The following AKAP13 variants were observed in gnomAD, a reference collection of about 807,000 sequenced individuals.
AKAP13 encodes the protein A-kinase anchor protein 13.
AKAP13 carries 80 observed loss-of-function variants against 264.5 expected under a neutral mutation model. The observed-to-expected ratio is 0.30, with a 90% CI of 0.25 to 0.36. The LOEUF (loss-of-function observed/expected upper bound fraction) is 0.36, where lower values mean the gene tolerates loss of function less well. Ranked by LOEUF, AKAP13 falls within the 10% of genes least tolerant of loss-of-function variation. The pLI, the probability that AKAP13 is intolerant of heterozygous loss-of-function variation, is 1.00. For synonymous variants in AKAP13, 1,380 were observed against 1,250.2 expected, an observed-to-expected ratio of 1.10 and a Z score of -2.19; for missense variants, 3,712 against 3,435.2, an observed-to-expected ratio of 1.08 and a Z score of -2.01.
chr15:85,554,771 T>C (rs781220063), intron 5 of AKAP13, among the ~76,000 whole-genome samples: 2 of 152,136 alleles, frequency 1.3e-5, no homozygotes, highest in African/African-American at 2.4e-5. Flanking sequence ...ACTTTACAGA[T>C]GAGGAAATTG....
At chr15:85,560,272 A>G (rs2078321601) in intron 5 of AKAP13, among the ~76,000 whole-genome samples, 1 of 151,570 alleles carries the variant, frequency 6.6e-6, no homozygotes, top group Non-Finnish European at 1.5e-5. Context: ...TCAGCCTCCC[A>G]TGTAGCTAGG....
intron 1 of AKAP13, among the ~76,000 whole-genome samples, chr15:85,471,249 A>C (rs982879179): frequency 2.0e-5 from 3 of 152,198 alleles, no homozygotes; most frequent in African/African-American, 7.2e-5. Flanking sequence ...TAATCCCAGC[A>C]CTTTGGGAGG....
chr15:85,498,702 C>T (rs1351070471), intron 2 of AKAP13, among the ~76,000 whole-genome samples: 1 of 152,104 alleles, frequency 6.6e-6, no homozygotes, highest in African/African-American at 2.4e-5. Flanking sequence ...AACTTGCTTA[C>T]TCTCAGTGGT....
At position 85,744,668 on chromosome 15, in the gene AKAP13, C is replaced by T. The variant is rs2089316605; in HGVS notation, c.8433C>T (p.Ile2811=). The T allele has an allele frequency of 1.9e-6, 3 of 1,609,050 alleles. No homozygotes were observed. The highest frequency in any genetic ancestry group is 2.5e-6 in the Non-Finnish European group (3 of 1,177,894). Residue 2811 remains isoleucine (I), a synonymous_variant, in exon 37 of 37, where the codon ATC becomes ATT. Coordinates refer to ENST00000394518, the MANE Select transcript of AKAP13 (RefSeq NM_007200.5). ...AAGTATCAGCAGAGGGTGAAGAGAT[C>T]TTCTGCTGACCCTCTTCCTCTCTGC... ...ASEVSAEGEE[I]FC
intron 1 of AKAP13, among the ~76,000 whole-genome samples, chr15:85,451,628 G>A (rs1010103634): frequency 3.3e-5 from 5 of 152,118 alleles, no homozygotes; most frequent in East Asian, 1.9e-4. Flanking sequence ...CTTTTGCTTC[G>A]GAAGTTTAGT....
intron 5 of AKAP13, among the ~76,000 whole-genome samples, chr15:85,544,897 G>A (rs867385773): frequency 1.3e-5 from 2 of 152,130 alleles, no homozygotes; most frequent in African/African-American, 2.4e-5. Flanking sequence ...TAATTTAGTT[G>A]TGCTTTATGT....
Position 85,533,665 on chromosome 15 carries a change from ACTT to A in AKAP13, c.264_266del (p.Phe89del). 6.2e-7 allele frequency: 1 copy of A among 1,614,190 alleles called. No individual in the cohort carries two copies. Among genetic ancestry groups the A allele is most frequent in the Non-Finnish European group, 8.5e-7 (1 of 1,180,016 alleles). Reference sequence around the variant, plus strand: ...CCCGTGTTTGTGGTGGCTGAAGAAGACTTTCATTTCGTCCAGGATGAAGCGTAT... The same window carrying A: ...CCCGTGTTTGTGGTGGCTGAAGAAGATCATTTCGTCCAGGATGAAGCGTAT... On this transcript the variant is annotated inframe_deletion, in exon 4 of 37. Coordinates refer to ENST00000394518, the MANE Select transcript of AKAP13 (RefSeq NM_007200.5).
At chr15:85,706,889 C>T (rs368554146) in intron 17 of AKAP13, among the ~76,000 whole-genome samples, 1 of 152,152 alleles carries the variant, frequency 6.6e-6, no homozygotes, top group Non-Finnish European at 1.5e-5. Context: ...ATGGAATAGG[C>T]CTTTGAGGTC....
In AKAP13 at chr15:85,727,580, A is replaced by G. The variant is rs1363105215; in HGVS notation, c.7087+117A>G. On this transcript the variant is annotated intron_variant, in intron 29 of 36. Transcript: ENST00000394518. The surrounding 1 kb of genome is among the most constrained non-coding windows in gnomAD (Gnocchi z 5.3). ...CAGTTCTAAAGCTGCCCCAGCAGGC[A>G]CTTGAAAGCAGCAAAATGAATAGCT... 1 of 1,092,290 alleles carries G rather than the reference A, an allele frequency of 9.2e-7. No homozygotes were observed. The highest frequency in any genetic ancestry group is 1.3e-6 in the Non-Finnish European group (1 of 750,180). 67.7% of individuals were successfully genotyped at this position (1,092,290 alleles called of 1,614,324 possible).
intron 11 of AKAP13, among the ~76,000 whole-genome samples, chr15:85,657,887 T>C (rs2083173698): frequency 6.6e-6 from 1 of 152,194 alleles, no homozygotes; most frequent in Non-Finnish European, 1.5e-5. Flanking sequence ...CTTTTCTTTA[T>C]AATCCACTAT....
chr15:85,560,286 A>G (rs1187362861), intron 5 of AKAP13, among the ~76,000 whole-genome samples: 1 of 152,056 alleles, frequency 6.6e-6, no homozygotes, highest in Non-Finnish European at 1.5e-5. Context: ...AGCTAGGACT[A>G]CAGGTGTGCA....
Position 85,392,251 on chromosome 15 carries a change from A to ATTTTT in AKAP13, c.-12+11470_-12+11474dup, listed in dbSNP as rs57208601. On this transcript the variant is annotated intron_variant, in intron 1 of 36. Coordinates refer to ENST00000394518, the MANE Select transcript of AKAP13 (RefSeq NM_007200.5). ...GTCTTAAAAATGTGAGCCCTTAATA[A>ATTTTT]TTTTTTTTTTTTTTTTTTTTTGAGA... is the stretch of plus-strand genomic sequence containing the variant. Among the ~76,000 whole-genome samples, 200 of 106,346 alleles carry ATTTTT rather than the reference A, an allele frequency of 1.9e-3. 3 individuals are homozygous for ATTTTT. The highest frequency in any genetic ancestry group is 3.1e-3 in the Non-Finnish European group (163 of 52,652). The allele number at this position is 106,346 out of a possible 152,430, so 69.8% of individuals were successfully genotyped here. A position where few individuals can be genotyped will look rare whatever the true frequency, so the allele number is the denominator to read the frequency against.
At position 85,581,858 on chromosome 15, in the gene AKAP13, A is replaced by G. The variant is rs546556841; in HGVS notation, c.3790A>G (p.Lys1264Glu). 4 of 1,614,180 alleles carry G rather than the reference A, an allele frequency of 2.5e-6. No individual in the cohort carries two copies. The highest frequency in any genetic ancestry group is 1.3e-5 in the African/African-American group (1 of 75,058). Reference sequence around the variant, plus strand: ...AGTGGATGCTGTCATCGAACAAGTCAAGGCCGCTGGAGCACTGCTTACTGA... The same window carrying G: ...AGTGGATGCTGTCATCGAACAAGTCGAGGCCGCTGGAGCACTGCTTACTGA... Reference protein sequence around the residue: ...RIVDAVIEQVKAAGALLTEGE... With the variant: ...RIVDAVIEQVEAAGALLTEGE... The change falls in exon 7 of 37, where the codon AAG becomes GAG. Residue 1264 changes from lysine (K) to glutamate (E), a missense_variant. Lys to Glu is a moderately conservative substitution (Grantham distance 56). This residue lies in a region of AKAP13 where 2,759 missense variants were observed against 2,411.7 expected (regional missense o/e 1.14). Coordinates refer to ENST00000394518, the MANE Select transcript of AKAP13 (RefSeq NM_007200.5).
intron 2 of AKAP13, among the ~76,000 whole-genome samples, chr15:85,521,011 G>A (rs2076803709): frequency 6.6e-6 from 1 of 152,228 alleles, no homozygotes; most frequent in Non-Finnish European, 1.5e-5. Flanking sequence ...TGGAACACAG[G>A]AGTTAAGGAG....
At position 85,566,180 on chromosome 15, in the gene AKAP13, C is replaced by T. The variant is rs184894121; in HGVS notation, c.663-8951C>T. Among the ~76,000 whole-genome samples the T allele has an allele frequency of 2.7e-3, 414 of 152,328 alleles. 5 individuals are homozygous for T. Among genetic ancestry groups the T allele is most frequent in the Middle Eastern group, 0.01 (3 of 294 alleles). ...TTACAGTGTCTTCAAATGTTCATCT[C>T]AAATCAGGTACATTTTGATCAATGC... On this transcript the variant is annotated intron_variant, in intron 5 of 36. Coordinates refer to ENST00000394518, the MANE Select transcript of AKAP13 (RefSeq NM_007200.5).
chr15:85,645,584 T>G (rs1052440058), intron 9 of AKAP13, among the ~76,000 whole-genome samples: 4 of 152,196 alleles, frequency 2.6e-5, no homozygotes, highest in Admixed American at 2.0e-4. Flanking sequence ...GATGCATGAT[T>G]GTCCTGTAGG....
chr15:85,677,838 C>T (rs747736965), intron 14 of AKAP13, among the ~76,000 whole-genome samples: 44 of 152,034 alleles, frequency 2.9e-4, no homozygotes, highest in Non-Finnish European at 5.6e-4. Context: ...TTAGTAGAGA[C>T]GGGGTTTCAC....
chr15:85,520,987 G>C (rs1310306474), intron 2 of AKAP13, among the ~76,000 whole-genome samples: 1 of 152,224 alleles, frequency 6.6e-6, no homozygotes. Flanking sequence ...AGAATTTAGA[G>C]AATTATTGTC....
rs911074923 is a variant in AKAP13, at chr15:85,676,553, G to A, written c.5102-5605G>A. ...TGAGCCTAGATCTAAACAGAGATCC[G>A]GCTTCCAGATTAGAAAGATGTGAGT... On this transcript the variant is annotated intron_variant, in intron 14 of 36. Transcript: ENST00000394518. Among the ~76,000 whole-genome samples, 6 of 152,132 alleles carry A rather than the reference G, an allele frequency of 3.9e-5. No individual in the cohort carries two copies. In the South Asian group the frequency reaches 8.3e-4, roughly 21 times the overall value.
Sources: allele counts gnomAD v4.1 joint callset (sites outside exome capture counted in the v4.1 genomes callset), GRCh38; gene constraint gnomAD v4.1.1; regional missense constraint gnomAD v4.1.1; non-coding constraint Gnocchi (gnomAD v3.1); transcripts MANE v1.5; gene names NCBI Gene and HGNC (gene_info 2026-07-23, HGNC 2026-07-21).